Variants in ADAMTS12 observed in about 807,000 individuals in gnomAD.
The protein encoded by ADAMTS12 is A disintegrin and metalloproteinase with thrombospondin motifs 12.
ADAMTS12 carries 118 observed loss-of-function variants against 167.8 expected under a neutral mutation model. The ratio of observed to expected loss-of-function variants is 0.70; its 90% CI spans 0.61 to 0.82. ADAMTS12 has a LOEUF of 0.82. Among genes scored for constraint, ADAMTS12 ranks in the 40% least tolerant of loss-of-function variants. The pLI is 0.00. For missense variants in ADAMTS12, 1,916 were observed against 1,998.8 expected, an observed-to-expected ratio of 0.96 and a Z score of 0.79; for synonymous variants, 704 against 716.9, an observed-to-expected ratio of 0.98 and a Z score of 0.29.
At chr5:33,770,864 C>A (rs887803300) in intron 2 of ADAMTS12, among the ~76,000 whole-genome samples, 1 of 151,628 alleles carries the variant, frequency 6.6e-6, no homozygotes, top group South Asian at 2.1e-4. Context: ...CCTCCTCCTC[C>A]TCCTCTATTT....
intron 2 of ADAMTS12, among the ~76,000 whole-genome samples, chr5:33,817,098 C>T (rs1258351369): frequency 2.0e-5 from 3 of 152,134 alleles, no homozygotes; most frequent in Non-Finnish European, 4.4e-5. Context: ...AAAACAGCTG[C>T]TTGGAGGACA....
intron 3 of ADAMTS12, among the ~76,000 whole-genome samples, chr5:33,692,451 A>G (rs1429486102): frequency 6.6e-6 from 1 of 152,220 alleles, no homozygotes; most frequent in Non-Finnish European, 1.5e-5. Flanking sequence ...AGTATTTTTC[A>G]ACTTGAATAG....
intron 2 of ADAMTS12, among the ~76,000 whole-genome samples, chr5:33,756,309 T>G (rs986251567): frequency 1.3e-5 from 2 of 152,176 alleles, no homozygotes; most frequent in African/African-American, 2.4e-5. Context: ...GAGCGGCACT[T>G]CCATGGGTGC....
intron 17 of ADAMTS12, among the ~76,000 whole-genome samples, chr5:33,590,616 T>G: frequency 6.6e-6 from 1 of 152,226 alleles, no homozygotes; most frequent in East Asian, 1.9e-4. Flanking sequence ...TCTCCAGAAC[T>G]GTGAGAAATG....
At chr5:33,717,133 T>A (rs1336944765) in intron 3 of ADAMTS12, among the ~76,000 whole-genome samples, 91 of 144,316 alleles carry the variant, frequency 6.3e-4, no homozygotes, top group African/African-American at 2.3e-3. Context: ...TTTTTTTTTT[T>A]AAGCTCTTTT....
At chr5:33,722,013 A>T (rs1380818364) in intron 3 of ADAMTS12, among the ~76,000 whole-genome samples, 1 of 152,204 alleles carries the variant, frequency 6.6e-6, no homozygotes, top group Non-Finnish European at 1.5e-5. Flanking sequence ...CAATTTGACA[A>T]GGCTTCTTCC....
At chr5:33,557,485 A>T (rs1376886525) in intron 20 of ADAMTS12, among the ~76,000 whole-genome samples, 1 of 152,150 alleles carries the variant, frequency 6.6e-6, no homozygotes, top group Non-Finnish European at 1.5e-5. Flanking sequence ...CATGATTTGG[A>T]CTTTAGACAT....
At position 33,533,475 on chromosome 5, in the gene ADAMTS12, G is replaced by A. The variant is rs372222471; in HGVS notation, c.4606+1358C>T. On this transcript the variant is annotated intron_variant, in intron 23 of 23. Transcript: ENST00000504830. ...TGAAGATTCTAATTAGGTAGGTCTA[G>A]AGTGAGGCCTGAGAGCCTCAAACTC... Among the ~76,000 whole-genome samples, 16 of 152,324 alleles carry A rather than the reference G, an allele frequency of 1.1e-4. No individual in the cohort carries two copies. The East Asian group carries it at 1.2e-3, about 11-fold the overall frequency.
intron 2 of ADAMTS12, among the ~76,000 whole-genome samples, chr5:33,852,035 A>C (rs10061847): frequency 6.6e-6 from 1 of 152,238 alleles, no homozygotes; most frequent in Admixed American, 6.5e-5. Flanking sequence ...GAGACCACTG[A>C]CTATTCCTAA....
At chr5:33,753,269 T>C (rs1038769423) in intron 2 of ADAMTS12, among the ~76,000 whole-genome samples, 2 of 152,232 alleles carry the variant, frequency 1.3e-5, no homozygotes, top group African/African-American at 4.8e-5. Context: ...GCTTCTATGC[T>C]TACATTGCTT....
intron 2 of ADAMTS12, among the ~76,000 whole-genome samples, chr5:33,783,382 A>T (rs2112445192): frequency 6.6e-6 from 1 of 151,990 alleles, no homozygotes; most frequent in South Asian, 2.1e-4. Flanking sequence ...ATAAAGCTCA[A>T]ATTAAAAATT....
At chr5:33,598,513 A>G (rs55781328) in intron 16 of ADAMTS12, among the ~76,000 whole-genome samples, 25 of 152,326 alleles carry the variant, frequency 1.6e-4, no homozygotes, top group Non-Finnish European at 3.2e-4. Context: ...AGTGATATTC[A>G]TGCTGTTGGA....
At chr5:33,697,328 A>T (rs1742818177) in intron 3 of ADAMTS12, among the ~76,000 whole-genome samples, 2 of 151,454 alleles carry the variant, frequency 1.3e-5, no homozygotes, top group African/African-American at 4.8e-5. Flanking sequence ...AATGTCACTA[A>T]GAGTGATGAG....
intron 2 of ADAMTS12, among the ~76,000 whole-genome samples, chr5:33,763,093 A>G (rs1745411428): frequency 6.6e-6 from 1 of 152,230 alleles, no homozygotes; most frequent in African/African-American, 2.4e-5. Context: ...AAGTTTGAGC[A>G]TTCAGAATTT....
intron 2 of ADAMTS12, among the ~76,000 whole-genome samples, chr5:33,868,858 A>G (rs530935267): frequency 4.6e-5 from 7 of 152,300 alleles, no homozygotes; most frequent in African/African-American, 1.4e-4. Flanking sequence ...TCTTTTTCCA[A>G]TGTGGCCCAG....
chr5:33,569,341 A>C (rs1025330297), intron 19 of ADAMTS12, among the ~76,000 whole-genome samples: 5 of 152,018 alleles, frequency 3.3e-5, no homozygotes, highest in African/African-American at 1.2e-4. Context: ...ACTGGGAGGC[A>C]CCCCCCAGTA....
intron 2 of ADAMTS12, among the ~76,000 whole-genome samples, chr5:33,849,199 T>TATATATATGTATTGCATAGCA (rs1561306445): frequency 1.5e-5 from 1 of 65,598 alleles, no homozygotes; most frequent in African/African-American, 9.0e-5. Flanking sequence ...TGCATAGCAA[T>TATATATATGTATTGCATAGCA]ATATATATAT....
intron 2 of ADAMTS12, among the ~76,000 whole-genome samples, chr5:33,759,722 T>C (rs1192271177): frequency 2.6e-5 from 4 of 152,198 alleles, no homozygotes; most frequent in African/African-American, 7.2e-5. Context: ...ACTAGAAAAG[T>C]TGCCTTTTAG....
In ADAMTS12 at chr5:33,855,108, A is replaced by C. The variant is rs141726291; in HGVS notation, c.489+26011T>G. Among the ~76,000 whole-genome samples the C allele has an allele frequency of 1.5e-3, 225 of 152,366 alleles. 2 individuals are homozygous for C. The highest frequency in any genetic ancestry group is 5.2e-3 in the African/African-American group (216 of 41,582). ...TCAGCTACATCACCCCAGGCTTTAG[A>C]CAGCATTCAAGAACAAGAGGGCAGA... On this transcript the variant is annotated intron_variant, in intron 2 of 23. Coordinates refer to ENST00000504830, the MANE Select transcript of ADAMTS12 (RefSeq NM_030955.4).
Sources: gnomAD v4.1 joint callset for allele counts (sites outside exome capture counted in the v4.1 genomes callset) on GRCh38, gnomAD v4.1.1 for gene constraint, MANE v1.5 for transcripts, NCBI Gene and HGNC (gene_info 2026-07-23, HGNC 2026-07-21) for gene names.